Variants in KDM4C observed in about 807,000 individuals in gnomAD.
KDM4C encodes the protein lysine demethylase 4C, also known as lysine-specific demethylase 4C.
A neutral mutation model predicts 129.3 loss-of-function variants in KDM4C; 81 were observed. The observed-to-expected ratio is 0.63, with a 90% confidence interval of 0.52 to 0.75. The LOEUF (loss-of-function observed/expected upper bound fraction) is 0.75, where lower values mean the gene tolerates loss of function less well. Ranked by LOEUF, KDM4C falls within the 30% of genes least tolerant of loss-of-function variation. The pLI, the probability that KDM4C is intolerant of heterozygous loss-of-function variation, is 0.00. For synonymous variants in KDM4C, 573 were observed against 456.1 expected (o/e 1.26, Z -3.26); for missense variants, 1,457 against 1,304.0 (o/e 1.12, Z -1.81).
At chr9:6,940,820 C>G (rs1445197468) in intron 8 of KDM4C, among the ~76,000 whole-genome samples, 7 of 152,080 alleles carry the variant, frequency 4.6e-5, no homozygotes, top group African/African-American at 7.2e-5. Flanking sequence ...GGATAATGTA[C>G]CCTTGATTCT....
chr9:6,901,095 A>G lies in KDM4C; in HGVS notation c.921+7863A>G, dbSNP rs190685307. Among the ~76,000 whole-genome samples, 354 of 152,270 alleles carry G rather than the reference A, an allele frequency of 2.3e-3. 1 individual carries two copies. The highest frequency in any genetic ancestry group is 8.1e-3 in the African/African-American group (336 of 41,534). On this transcript the variant is annotated intron_variant, in intron 8 of 21. Coordinates refer to ENST00000381309, the MANE Select transcript of KDM4C (RefSeq NM_015061.6). ...GACATGGTGACTGCAGAAGAAGGCA[A>G]AAGTTGGTAGTGTGTTTTCTGGCTC...
chr9:7,151,418 G>A (rs900375093), intron 19 of KDM4C, among the ~76,000 whole-genome samples: 15 of 149,582 alleles, frequency 1.0e-4, no homozygotes, highest in African/African-American at 2.2e-4. Context: ...AAGGCCAGGC[G>A]TGCTGGCTCA....
intron 8 of KDM4C, among the ~76,000 whole-genome samples, chr9:6,940,577 A>G (rs1825760789): frequency 6.6e-6 from 1 of 152,178 alleles, no homozygotes; most frequent in African/African-American, 2.4e-5. Context: ...CAAGGCAGAG[A>G]TATTCTTGAA....
chr9:6,977,123 C>T (rs986903491), intron 8 of KDM4C, among the ~76,000 whole-genome samples: 4 of 152,180 alleles, frequency 2.6e-5, no homozygotes, highest in Non-Finnish European at 5.9e-5. Context: ...TCTGGGACTA[C>T]AGGTTATAGC....
At chr9:7,145,304 A>G (rs1031343093) in intron 19 of KDM4C, among the ~76,000 whole-genome samples, 1 of 152,160 alleles carries the variant, frequency 6.6e-6, no homozygotes, top group Non-Finnish European at 1.5e-5. Flanking sequence ...TGGGACTTGA[A>G]AATTTAGAAA....
intron 1 of KDM4C, among the ~76,000 whole-genome samples, chr9:6,787,012 A>G (rs978345385): frequency 2.0e-5 from 3 of 152,234 alleles, no homozygotes; most frequent in Non-Finnish European, 4.4e-5. Context: ...AGATTGAAAA[A>G]GGTCTAAAAC....
At chr9:6,825,419 A>C (rs1033284491) in intron 4 of KDM4C, among the ~76,000 whole-genome samples, 1 of 152,224 alleles carries the variant, frequency 6.6e-6, no homozygotes, top group Non-Finnish European at 1.5e-5. Context: ...TATCTATTGC[A>C]CATAGATGAT....
chr9:6,894,255 T>A (rs1846511816), intron 8 of KDM4C, among the ~76,000 whole-genome samples: 1 of 152,112 alleles, frequency 6.6e-6, no homozygotes, highest in Admixed American at 6.5e-5. Context: ...AGCCCAGGAG[T>A]CATTCGAATA....
In KDM4C at chr9:7,046,986, A is replaced by T. The variant is rs1829499706; in HGVS notation, c.2315+69A>T. ...CTCCATTCTAGAACCTTTGGATGAC[A>T]GTTCGCTTTACCTCTCATTGTACAC... On this transcript the variant is annotated intron_variant, in intron 16 of 21. Transcript: ENST00000381309. 5 of 1,121,800 alleles carry T rather than the reference A, an allele frequency of 4.5e-6. No individual in the cohort carries two copies. The South Asian group carries it at 5.1e-5, about 12-fold the overall frequency. 69.5% of individuals were successfully genotyped at this position (1,121,800 alleles called of 1,614,324 possible). A position where few individuals can be genotyped will look rare whatever the true frequency, so the allele number is the denominator to read the frequency against.
chr9:6,890,264 C>T (rs946754604), intron 7 of KDM4C, among the ~76,000 whole-genome samples: 2 of 152,194 alleles, frequency 1.3e-5, no homozygotes, highest in Non-Finnish European at 2.9e-5. Context: ...GCTTTAGTTT[C>T]TTCGACTGTA....
intron 8 of KDM4C, among the ~76,000 whole-genome samples, chr9:6,940,951 G>C (rs894497285): frequency 7.9e-5 from 12 of 151,742 alleles, no homozygotes; most frequent in African/African-American, 2.4e-4. Context: ...TGTAATATTT[G>C]TTCTTTACTT....
intron 5 of KDM4C, among the ~76,000 whole-genome samples, chr9:6,858,449 A>G (rs943977866): frequency 2.0e-5 from 3 of 152,310 alleles, no homozygotes; most frequent in African/African-American, 7.2e-5. Flanking sequence ...TGTTTACCCA[A>G]CTTTCTTTAT....
At chr9:7,022,529 C>T (rs1002578974) in intron 15 of KDM4C, among the ~76,000 whole-genome samples, 2 of 151,278 alleles carry the variant, frequency 1.3e-5, no homozygotes, top group African/African-American at 4.8e-5. Flanking sequence ...TTTATCAGTT[C>T]TAGTAGTTTT....
rs183422511 is a variant in KDM4C at position 7,114,733 on chromosome 9, T to A, written c.2610+10863T>A. 2.7e-3 allele frequency among the ~76,000 whole-genome samples: 412 copies of A among 152,272 alleles called. 1 individual carries two copies. The highest frequency in any genetic ancestry group is 4.7e-3 in the Non-Finnish European group (318 of 68,024). ...CTGTTTTATGCTTGGCTCTGTCATT[T>A]CCACCACAGAGTGCACCGTGGAACC... On this transcript the variant is annotated intron_variant, in intron 18 of 21. Coordinates refer to ENST00000381309, the MANE Select transcript of KDM4C (RefSeq NM_015061.6).
At chr9:6,972,160 A>G (rs962295670) in intron 8 of KDM4C, among the ~76,000 whole-genome samples, 9 of 152,138 alleles carry the variant, frequency 5.9e-5, no homozygotes, top group African/African-American at 2.2e-4. Flanking sequence ...CAAGAGAGTG[A>G]GAGATCAAGA....
intron 4 of KDM4C, among the ~76,000 whole-genome samples, chr9:6,819,513 C>G (rs1159792885): frequency 1.3e-5 from 2 of 152,182 alleles, no homozygotes; most frequent in African/African-American, 4.8e-5. Context: ...TTTCTGCAGG[C>G]TGTGTGGAAG....
At chr9:7,083,711 A>ATGTGTGTC (rs1554730847) in intron 17 of KDM4C, among the ~76,000 whole-genome samples, 4 of 143,322 alleles carry the variant, frequency 2.8e-5, no homozygotes, top group Middle Eastern at 3.5e-3. Context: ...CACATGACTG[A>ATGTGTGTC]TGTGTGTGTG....
At chr9:6,965,395 G>C (rs1479595638) in intron 8 of KDM4C, among the ~76,000 whole-genome samples, 1 of 152,048 alleles carries the variant, frequency 6.6e-6, no homozygotes, top group Admixed American at 6.6e-5. Context: ...GAGGACAGTA[G>C]TGCTAATTGA....
chr9:7,052,890 A>AGCGC (rs879850049), intron 17 of KDM4C, among the ~76,000 whole-genome samples: 5 of 36,686 alleles, frequency 1.4e-4, no homozygotes, highest in African/African-American at 2.5e-4. Context: ...AGAGAGAGAG[A>AGCGC]GAGAGAGAGA....
Sources: gnomAD v4.1 joint callset for allele counts (sites outside exome capture counted in the v4.1 genomes callset) on GRCh38, gnomAD v4.1.1 for gene constraint, MANE v1.5 for transcripts, NCBI Gene and HGNC (gene_info 2026-07-23, HGNC 2026-07-21) for gene names.